CNTN5: variants seen among roughly 807,000 people sequenced by gnomAD.
CNTN5 encodes contactin 5.
Under a neutral mutation model 129.1 loss-of-function variants are expected in CNTN5, and 77 were observed. The observed-to-expected ratio is 0.60, with a 90% CI of 0.50 to 0.72. CNTN5 has a LOEUF of 0.72. Among genes scored for constraint, CNTN5 ranks in the 30% least tolerant of loss-of-function variants. The probability of loss-of-function intolerance (pLI) is 0.00; values close to 1 mark genes in which losing one functional copy is unlikely to be tolerated. For synonymous variants in CNTN5, 509 were observed against 465.6 expected (o/e 1.09, Z -1.20); for missense variants, 1,478 against 1,328.8 (o/e 1.11, Z -1.75).
chr11:99,915,771 C>T (rs903368089), intron 6 of CNTN5, among the ~76,000 whole-genome samples: 6 of 152,078 alleles, frequency 3.9e-5, no homozygotes, highest in African/African-American at 1.4e-4. Context: ...AAAAATGACT[C>T]TTTGTGTTAA....
chr11:100,184,599 C>T (rs905819038), intron 13 of CNTN5, among the ~76,000 whole-genome samples: 6 of 152,108 alleles, frequency 3.9e-5, no homozygotes, highest in East Asian at 1.9e-4. Context: ...CTCTCCTGAG[C>T]GTCCAGAGAG....
intron 3 of CNTN5, among the ~76,000 whole-genome samples, chr11:99,666,699 C>A (rs2135933827): frequency 6.6e-6 from 1 of 152,108 alleles, no homozygotes; most frequent in East Asian, 1.9e-4. Context: ...AAGCCTTGGA[C>A]TGCTGCATAA....
intron 4 of CNTN5, among the ~76,000 whole-genome samples, chr11:99,822,624 G>C (rs768433994): frequency 1.3e-5 from 2 of 152,154 alleles, no homozygotes; most frequent in African/African-American, 2.4e-5. Context: ...GGGAGAATGA[G>C]AGCAGGAAAT....
chr11:100,285,927 G>C (rs1950774657), intron 18 of CNTN5, among the ~76,000 whole-genome samples: 1 of 152,232 alleles, frequency 6.6e-6, no homozygotes, highest in Admixed American at 6.5e-5. Context: ...AGCAGGGCGA[G>C]GCGTTGCCTC....
At chr11:99,747,766 C>T (rs1195394887) in intron 3 of CNTN5, among the ~76,000 whole-genome samples, 1 of 152,034 alleles carries the variant, frequency 6.6e-6, no homozygotes, top group East Asian at 1.9e-4. Flanking sequence ...GCCACGGCAC[C>T]CGGCCGGCCA....
chr11:99,090,751 G>A (rs1418756931), intron 1 of CNTN5, among the ~76,000 whole-genome samples: 3 of 150,172 alleles, frequency 2.0e-5, no homozygotes, highest in Non-Finnish European at 4.4e-5. Flanking sequence ...GGCCGGGCGC[G>A]GTGGCTCACG....
chr11:99,178,045 T>C (rs767433023), intron 1 of CNTN5, among the ~76,000 whole-genome samples: 1 of 152,022 alleles, frequency 6.6e-6, no homozygotes, highest in African/African-American at 2.4e-5. Flanking sequence ...TGTTGTAATA[T>C]ATTAAAACAC....
chr11:100,286,876 T>C, intron 18 of CNTN5, among the ~76,000 whole-genome samples: 1 of 151,458 alleles, frequency 6.6e-6, no homozygotes, highest in East Asian at 1.9e-4. Context: ...TAGAAGAATG[T>C]ATAACTAGAA....
At chr11:99,727,654 A>C (rs1040417619) in intron 3 of CNTN5, among the ~76,000 whole-genome samples, 19 of 152,136 alleles carry the variant, frequency 1.2e-4, no homozygotes, top group African/African-American at 4.3e-4. Context: ...ACCTCCCACC[A>C]GAAAAACAAA....
intron 9 of CNTN5, among the ~76,000 whole-genome samples, chr11:100,010,502 G>A (rs942819115): frequency 3.9e-5 from 6 of 152,020 alleles, no homozygotes; most frequent in African/African-American, 1.2e-4. Flanking sequence ...GTGCCATTCA[G>A]GGGCTATCGA....
intron 1 of CNTN5, among the ~76,000 whole-genome samples, chr11:99,192,536 A>G (rs976998037): frequency 2.0e-5 from 3 of 151,938 alleles, no homozygotes; most frequent in African/African-American, 4.8e-5. Context: ...TATTTGAATA[A>G]CATTAGATAC....
At chr11:99,829,427 C>G (rs1358269771) in intron 4 of CNTN5, among the ~76,000 whole-genome samples, 2 of 152,108 alleles carry the variant, frequency 1.3e-5, no homozygotes. Context: ...AAGAAAGGCA[C>G]AGTAGTCAGT....
intron 2 of CNTN5, among the ~76,000 whole-genome samples, chr11:99,358,255 A>ATTTTTTTTTT (rs1186386021): frequency 0.03 from 1,406 of 46,852 alleles, 270 homozygotes; most frequent in Non-Finnish European, 0.039. Flanking sequence ...CGCCCTGCTG[A>ATTTTTTTTTT]TTTTTTTTTT....
intron 8 of CNTN5, among the ~76,000 whole-genome samples, chr11:99,979,449 G>A (rs1938198120): frequency 6.6e-6 from 1 of 152,058 alleles, no homozygotes; most frequent in African/African-American, 2.4e-5. Flanking sequence ...AAGGCACTGG[G>A]GAAGAAAAGT....
intron 1 of CNTN5, among the ~76,000 whole-genome samples, chr11:99,085,554 C>A (rs1865973618): frequency 6.6e-6 from 1 of 151,752 alleles, no homozygotes; most frequent in South Asian, 2.1e-4. Flanking sequence ...TTACTTCATA[C>A]TTTTTGGTGC....
chr11:99,778,010 T>A (rs1945184016), intron 3 of CNTN5, among the ~76,000 whole-genome samples: 1 of 151,888 alleles, frequency 6.6e-6, no homozygotes, highest in Non-Finnish European at 1.5e-5. Flanking sequence ...ACTAGCTTTA[T>A]CTCTGAATAT....
chr11:99,302,151 T>C (rs1275070760), intron 1 of CNTN5, among the ~76,000 whole-genome samples: 1 of 151,208 alleles, frequency 6.6e-6, no homozygotes, highest in Non-Finnish European at 1.5e-5. Flanking sequence ...ATAAATAATC[T>C]TCCAACTTAA....
chr11:99,760,886 C>T (rs1011314190), intron 3 of CNTN5, among the ~76,000 whole-genome samples: 1 of 152,050 alleles, frequency 6.6e-6, no homozygotes, highest in Non-Finnish European at 1.5e-5. Flanking sequence ...TGGCAACAGA[C>T]ACCTGAGAAC....
intron 1 of CNTN5, among the ~76,000 whole-genome samples, chr11:99,166,810 G>A (rs909546993): frequency 7.4e-5 from 11 of 147,768 alleles, no homozygotes; most frequent in African/African-American, 2.3e-4. Flanking sequence ...ATGGTGACCC[G>A]TAAGCCCCAG....
Sources: allele counts gnomAD v4.1 joint callset (sites outside exome capture counted in the v4.1 genomes callset), GRCh38; gene constraint gnomAD v4.1.1; transcripts MANE v1.5; gene names NCBI Gene and HGNC (gene_info 2026-07-23, HGNC 2026-07-21).